The following TBX15 variants were observed in gnomAD, a reference collection of about 807,000 sequenced individuals.
The protein encoded by TBX15 is T-box transcription factor TBX15.
TBX15 carries 18 observed loss-of-function variants against 53.9 expected under a neutral mutation model. The observed-to-expected ratio is 0.33, with a 90% confidence interval of 0.23 to 0.49. The LOEUF is 0.49. TBX15 is among the 20% of genes least tolerant of loss of function. TBX15 has a pLI of 0.98. For synonymous variants in TBX15, 295 were observed against 278.0 expected, an observed-to-expected ratio of 1.06 and a Z score of -0.61; for missense variants, 692 against 749.5, an observed-to-expected ratio of 0.92 and a Z score of 0.90.
At chr1:118,915,294 A>C (rs888578102) in intron 5 of TBX15, among the ~76,000 whole-genome samples, 1 of 152,218 alleles carries the variant, frequency 6.6e-6, no homozygotes, top group African/African-American at 2.4e-5. Flanking sequence ...ACGTATCACT[A>C]GGACAGCTAA....
intron 1 of TBX15, among the ~76,000 whole-genome samples, chr1:118,963,053 T>C (rs1258703899): frequency 6.6e-6 from 1 of 152,262 alleles, no homozygotes; most frequent in African/African-American, 2.4e-5. Flanking sequence ...ATCATTACAT[T>C]GTCTAGTCTC....
At chr1:118,943,469 C>T (rs1003370282) in intron 1 of TBX15, among the ~76,000 whole-genome samples, 2 of 152,130 alleles carry the variant, frequency 1.3e-5, no homozygotes, top group African/African-American at 2.4e-5. Context: ...GAGTGATGCT[C>T]TCTTGGTCCA....
chr1:118,948,219 C>G (rs1406240959), intron 1 of TBX15, among the ~76,000 whole-genome samples: 2 of 152,002 alleles, frequency 1.3e-5, no homozygotes, highest in Non-Finnish European at 2.9e-5. Flanking sequence ...ACTGATCAAG[C>G]AAAATAACCC....
At chr1:118,917,617 T>A (rs548014952) in intron 5 of TBX15, among the ~76,000 whole-genome samples, 1 of 152,192 alleles carries the variant, frequency 6.6e-6, no homozygotes, top group Admixed American at 6.5e-5. Flanking sequence ...TATGTAAGCA[T>A]GAATATCAAA....
chr1:118,884,320 G>A lies in TBX15; in HGVS notation c.*412C>T. The A allele has an allele frequency of 4.3e-6, 1 of 233,720 alleles. No homozygotes were observed. Among genetic ancestry groups the A allele is most frequent in the Non-Finnish European group, 8.5e-6 (1 of 117,664 alleles). The allele number at this position is 233,720 out of a possible 1,614,324, so 14.5% of individuals were successfully genotyped here. A position where few individuals can be genotyped will look rare whatever the true frequency, so the allele number is the denominator to read the frequency against. On this transcript the variant is annotated 3_prime_UTR_variant, in exon 8 of 8. Transcript: ENST00000369429. ...ATGTATGATTGCATGTGTATGAATTGTGTATGAATATGTATGTGTGTGTGC... is the reference window on the plus strand; with the variant it reads ...ATGTATGATTGCATGTGTATGAATTATGTATGAATATGTATGTGTGTGTGC...
Position 118,899,011 on chromosome 1 carries a change from T to C in TBX15, c.1024+17A>G. 1 of 1,613,078 alleles carries C rather than the reference T, an allele frequency of 6.2e-7. No homozygotes were observed. The highest frequency in any genetic ancestry group is 8.5e-7 in the Non-Finnish European group (1 of 1,179,416). On this transcript the variant is annotated intron_variant, in intron 7 of 7. Transcript: ENST00000369429. ...CTGGCCCTATCACTAAGCAGAGGCCTTGCTCCAGGGCTTTACCTTGCTGCT... is the reference window on the plus strand; with the variant it reads ...CTGGCCCTATCACTAAGCAGAGGCCCTGCTCCAGGGCTTTACCTTGCTGCT...
chr1:118,964,395 A>G (rs1358577844), intron 1 of TBX15, among the ~76,000 whole-genome samples: 1 of 152,240 alleles, frequency 6.6e-6, no homozygotes, highest in East Asian at 1.9e-4. Context: ...TGGTGACTTT[A>G]ATTCTTATGA....
chr1:118,895,569 A>C (rs1490221510), intron 7 of TBX15, among the ~76,000 whole-genome samples: 2 of 152,060 alleles, frequency 1.3e-5, no homozygotes, highest in African/African-American at 2.4e-5. Flanking sequence ...TTCCTCAGTC[A>C]CTTTCTCCAA....
chr1:118,924,892 G>A, intron 3 of TBX15, 75 bp from the exon 4 acceptor site: 1 of 1,538,898 alleles, frequency 6.5e-7, no homozygotes, highest in Non-Finnish European at 9.0e-7. Flanking sequence ...AACAAGTTGA[G>A]ACAGGGGAAA....
intron 6 of TBX15, 95 bp from the exon 7 acceptor site, chr1:118,899,220 T>C (rs1363541527): frequency 8.8e-7 from 1 of 1,132,336 alleles, no homozygotes; most frequent in African/African-American, 1.5e-5. Flanking sequence ...AAACAGGTAA[T>C]AAAAACATAG....
intron 1 of TBX15, among the ~76,000 whole-genome samples, chr1:118,982,414 C>T (rs1657679883): frequency 6.6e-6 from 1 of 152,180 alleles, no homozygotes; most frequent in Admixed American, 6.5e-5. Flanking sequence ...TCAATAATAG[C>T]ATTGCATGCC....
At chr1:118,937,459 C>T (rs913630727) in intron 1 of TBX15, among the ~76,000 whole-genome samples, 7 of 152,136 alleles carry the variant, frequency 4.6e-5, no homozygotes, top group South Asian at 2.1e-4. Context: ...TTTTCTTTAA[C>T]GTGCAGGTAG....
At chr1:118,970,948 T>G (rs1657217885) in intron 1 of TBX15, among the ~76,000 whole-genome samples, 1 of 152,216 alleles carries the variant, frequency 6.6e-6, no homozygotes, top group African/African-American at 2.4e-5. Context: ...TTAACCCAAT[T>G]CTGCTCTCTC....
chr1:118,955,431 G>A (rs536764584), intron 1 of TBX15, among the ~76,000 whole-genome samples: 44 of 152,246 alleles, frequency 2.9e-4, no homozygotes, highest in Non-Finnish European at 4.9e-4. Flanking sequence ...AGCATTTGGT[G>A]TTGTTTCAGA....
intron 1 of TBX15, among the ~76,000 whole-genome samples, chr1:118,969,861 T>C (rs1214060671): frequency 1.3e-5 from 2 of 152,252 alleles, no homozygotes; most frequent in Admixed American, 6.5e-5. Context: ...ACCTCCAGTC[T>C]GTTGGCCTTT....
At chr1:118,939,323 C>T (rs559716569) in intron 1 of TBX15, among the ~76,000 whole-genome samples, 1 of 145,556 alleles carries the variant, frequency 6.9e-6, no homozygotes, top group East Asian at 2.1e-4. Context: ...GGGAGGATCA[C>T]CTGAGCCTGG....
chr1:118,918,369 T>C (rs1008965706), intron 5 of TBX15, among the ~76,000 whole-genome samples: 2 of 152,220 alleles, frequency 1.3e-5, no homozygotes, highest in South Asian at 2.1e-4. Flanking sequence ...AATGAATAAA[T>C]GATGATGTGA....
intron 6 of TBX15, among the ~76,000 whole-genome samples, chr1:118,900,621 G>A (rs1330753473): frequency 6.6e-6 from 1 of 152,118 alleles, no homozygotes; most frequent in East Asian, 1.9e-4. Context: ...AGTGTTACAT[G>A]GTGTTTATTA....
intron 1 of TBX15, among the ~76,000 whole-genome samples, chr1:118,934,676 T>G (rs1203028515): frequency 6.6e-6 from 1 of 152,192 alleles, no homozygotes; most frequent in East Asian, 1.9e-4. Flanking sequence ...CACAAATAAC[T>G]GCCACACAGT....
Sources: allele counts gnomAD v4.1 joint callset (sites outside exome capture counted in the v4.1 genomes callset), GRCh38; gene constraint gnomAD v4.1.1; transcripts MANE v1.5; gene names NCBI Gene and HGNC (gene_info 2026-07-23, HGNC 2026-07-21).